KCNQ1: variants seen among roughly 807,000 people sequenced by gnomAD.
KCNQ1 encodes potassium voltage-gated channel subfamily KQT member 1.
Under a neutral mutation model 72.4 loss-of-function variants are expected in KCNQ1, and 49 were observed. The ratio of observed to expected loss-of-function variants is 0.68; its 90% CI spans 0.54 to 0.86. The LOEUF is 0.86. Among genes scored for constraint, KCNQ1 ranks in the 40% least tolerant of loss-of-function variants. KCNQ1 has a pLI of 0.00. For synonymous variants in KCNQ1, 450 were observed against 412.6 expected, an observed-to-expected ratio of 1.09 and a Z score of -1.10; for missense variants, 790 against 945.1, an observed-to-expected ratio of 0.84 and a Z score of 2.15.
Position 2,733,857 on chromosome 11 carries a change from C to CTCTCTCTCTCTCTCTCTCTCTCT in KCNQ1, c.1515-34987_1515-34986insTCTCTCTCTCTCTCTCTCTCTCT, listed in dbSNP as rs147278439. On this transcript the variant is annotated intron_variant, in intron 11 of 15. Transcript: ENST00000155840. ...TCTCTCTCTCTCTCTCTCTCTCTCTCCCCCCCCACTTCAGGGCCTTCGCGC... is the reference window on the plus strand; with the variant it reads ...TCTCTCTCTCTCTCTCTCTCTCTCTCTCTCTCTCTCTCTCTCTCTCTCTCCCCCCCACTTCAGGGCCTTCGCGC... Among the ~76,000 whole-genome samples the CTCTCTCTCTCTCTCTCTCTCTCT allele has an allele frequency of 9.8e-4, 75 of 76,302 alleles. 4 individuals are homozygous for CTCTCTCTCTCTCTCTCTCTCTCT. The highest frequency in any genetic ancestry group is 1.2e-3 in the Non-Finnish European group (47 of 39,480). The allele number at this position is 76,302 out of a possible 152,430, so 50.1% of individuals were successfully genotyped here. A position where few individuals can be genotyped will look rare whatever the true frequency, so the allele number is the denominator to read the frequency against.
intron 15 of KCNQ1, among the ~76,000 whole-genome samples, chr11:2,791,021 G>T (rs955581076): frequency 3.3e-5 from 5 of 152,220 alleles, no homozygotes; most frequent in African/African-American, 9.7e-5. Flanking sequence ...TAGCCTGCCT[G>T]TGGGGGACAG....
At chr11:2,665,735 C>T (rs1221730935) in intron 11 of KCNQ1, 8 of 398,398 alleles carry the variant, frequency 2.0e-5, no homozygotes, top group African/African-American at 6.2e-5. Flanking sequence ...TCCCCAGAAC[C>T]CCCAAAGCCC....
chr11:2,680,663 G>A (rs1850381208), intron 11 of KCNQ1: 4 of 398,344 alleles, frequency 1.0e-5, no homozygotes, highest in Non-Finnish European at 1.8e-5. Flanking sequence ...TCTCACTACA[G>A]GACATTTCTA....
At chr11:2,589,958 G>A (rs888677394) in intron 10 of KCNQ1, among the ~76,000 whole-genome samples, 3 of 152,154 alleles carry the variant, frequency 2.0e-5, no homozygotes, top group Non-Finnish European at 2.9e-5. Flanking sequence ...CACTGGCCAC[G>A]GATGCCACGG....
At chr11:2,633,581 T>C in intron 10 of KCNQ1, 1 of 398,614 alleles carries the variant, frequency 2.5e-6, no homozygotes. Context: ...TTCTTCTGCA[T>C]ATGATATCCT....
In KCNQ1 at chr11:2,536,115, C is replaced by T. The variant is rs1003843758; in HGVS notation, c.477+8097C>T. 7.2e-5 allele frequency among the ~76,000 whole-genome samples: 11 copies of T among 152,210 alleles called. No homozygotes were observed. The highest frequency in any genetic ancestry group is 1.2e-4 in the African/African-American group (5 of 41,456). ...CCAGCCCCATGCACAGGCCACGCGGCGACAGGGGCTGCTGAAGGAAGGCTG... is the reference window on the plus strand; with the variant it reads ...CCAGCCCCATGCACAGGCCACGCGGTGACAGGGGCTGCTGAAGGAAGGCTG... On this transcript the variant is annotated intron_variant, in intron 2 of 15. Coordinates refer to ENST00000155840, the MANE Select transcript of KCNQ1 (RefSeq NM_000218.3). This position sits in a 1 kb window ranked among gnomAD's most constrained non-coding sequence, Gnocchi z 7.4.
intron 15 of KCNQ1, among the ~76,000 whole-genome samples, chr11:2,795,168 G>A (rs190638771): frequency 1.3e-5 from 2 of 152,332 alleles, no homozygotes; most frequent in African/African-American, 2.4e-5. Flanking sequence ...GTCAGTCTCC[G>A]CATCTCGCCT....
rs1846047654 is a variant in KCNQ1, at chr11:2,446,926, A to G, written c.386+1442A>G. 6.6e-6 allele frequency among the ~76,000 whole-genome samples: 1 copy of G among 152,178 alleles called. No individual in the cohort carries two copies. On this transcript the variant is annotated intron_variant, in intron 1 of 15. Coordinates refer to ENST00000155840, the MANE Select transcript of KCNQ1 (RefSeq NM_000218.3). This position sits in a 1 kb window ranked among gnomAD's most constrained non-coding sequence, Gnocchi z 8.8. Reference sequence around the variant, plus strand: ...AACCCAGTCCGATGCCACTGTGCAAATGTCTAGCAGATGCCAGGTTCACAG... The same window carrying G: ...AACCCAGTCCGATGCCACTGTGCAAGTGTCTAGCAGATGCCAGGTTCACAG...
At chr11:2,551,933 G>T (rs1487587043) in intron 2 of KCNQ1, among the ~76,000 whole-genome samples, 1 of 152,196 alleles carries the variant, frequency 6.6e-6, no homozygotes, top group South Asian at 2.1e-4. Context: ...CAATTAGGTT[G>T]TCTTCTTAGA....
At chr11:2,726,172 C>T (rs1327630672) in intron 11 of KCNQ1, among the ~76,000 whole-genome samples, 1 of 152,218 alleles carries the variant, frequency 6.6e-6, no homozygotes, top group African/African-American at 2.4e-5. Flanking sequence ...TTCCAGCTGG[C>T]CAGGGCAGAG....
rs1374492359 is a variant in KCNQ1, at chr11:2,720,479, C to T, written c.1515-48365C>T. Among the ~76,000 whole-genome samples the T allele has an allele frequency of 1.3e-5, 2 of 152,238 alleles. No homozygotes were observed. Among genetic ancestry groups the T allele is most frequent in the East Asian group, 1.9e-4 (1 of 5,158 alleles). On this transcript the variant is annotated intron_variant, in intron 11 of 15. Transcript: ENST00000155840. This position sits in a 1 kb window ranked among gnomAD's most constrained non-coding sequence, Gnocchi z 5.1. Reference sequence around the variant, plus strand: ...CCTCTCGAAGCAGAGGCAGCCCCCTCGAAGCTCACCTGGCCTCTCTCTGTA... The same window carrying T: ...CCTCTCGAAGCAGAGGCAGCCCCCTTGAAGCTCACCTGGCCTCTCTCTGTA...
Position 2,536,245 on chromosome 11 carries a change from C to T in KCNQ1, c.477+8227C>T, listed in dbSNP as rs1847729965. On this transcript the variant is annotated intron_variant, in intron 2 of 15. Transcript: ENST00000155840. The surrounding 1 kb of genome is among the most constrained non-coding windows in gnomAD (Gnocchi z 7.4). Reference sequence around the variant, plus strand: ...GGGATTCTAGAAATTTCCTGCTGTGCCAGGCTGCAGCAGAGACTCCGGCCC... The same window carrying T: ...GGGATTCTAGAAATTTCCTGCTGTGTCAGGCTGCAGCAGAGACTCCGGCCC... Among the ~76,000 whole-genome samples the T allele has an allele frequency of 6.6e-6, 1 of 152,216 alleles. No homozygotes were observed. The highest frequency in any genetic ancestry group is 6.5e-5 in the Admixed American group (1 of 15,278).
chr11:2,675,450 G>GA (rs1850276876), intron 11 of KCNQ1: 1 of 398,482 alleles, frequency 2.5e-6, no homozygotes, highest in African/African-American at 2.1e-5. Context: ...AAGATGATCT[G>GA]AAAATGGAAA....
intron 11 of KCNQ1, among the ~76,000 whole-genome samples, chr11:2,758,945 GA>G (rs1846345171): frequency 6.6e-6 from 1 of 152,164 alleles, no homozygotes; most frequent in Non-Finnish European, 1.5e-5. Flanking sequence ...TTCTGGTGGG[GA>G]GGACTTCCAT....
In KCNQ1 at chr11:2,563,098, C is replaced by G. The variant is rs1233996275; in HGVS notation, c.478-7530C>G. Among the ~76,000 whole-genome samples, 2 of 152,168 alleles carry G rather than the reference C, an allele frequency of 1.3e-5. No homozygotes were observed. Among genetic ancestry groups the G allele is most frequent in the African/African-American group, 4.8e-5 (2 of 41,438 alleles). On this transcript the variant is annotated intron_variant, in intron 2 of 15. Transcript: ENST00000155840. This position sits in a 1 kb window ranked among gnomAD's most constrained non-coding sequence, Gnocchi z 7.4. Reference sequence around the variant, plus strand: ...TATTTCAGGCTGCCCTGTGATCTTTCCCACGTGATTGATTGACACAGGGAC... The same window carrying G: ...TATTTCAGGCTGCCCTGTGATCTTTGCCACGTGATTGATTGACACAGGGAC...
chr11:2,796,191 T>G (rs1847125406), intron 15 of KCNQ1, among the ~76,000 whole-genome samples: 2 of 152,104 alleles, frequency 1.3e-5, no homozygotes, highest in Non-Finnish European at 2.9e-5. Context: ...CAGGGACTAT[T>G]CGGACACCAC....
At chr11:2,569,915 G>A (rs1304022984) in intron 2 of KCNQ1, among the ~76,000 whole-genome samples, 3 of 152,172 alleles carry the variant, frequency 2.0e-5, no homozygotes, top group South Asian at 2.1e-4. Flanking sequence ...AGGAACCTCC[G>A]CCCTCTGGTG....
chr11:2,812,163 C>T (rs1452447364), intron 15 of KCNQ1, among the ~76,000 whole-genome samples: 1 of 152,220 alleles, frequency 6.6e-6, no homozygotes, highest in Non-Finnish European at 1.5e-5. Context: ...CGGCTGGTCC[C>T]CACACAAACT....
chr11:2,587,712 C>T lies in KCNQ1; in HGVS notation c.1251+20C>T. ...GTGGTGGTGAGTAGCCCACCTGCCACCAGGGCAGGGCCTTCTTGCTAGCAG... is the reference window on the plus strand; with the variant it reads ...GTGGTGGTGAGTAGCCCACCTGCCATCAGGGCAGGGCCTTCTTGCTAGCAG... On this transcript the variant is annotated intron_variant, in intron 9 of 15. Transcript: ENST00000155840. The T allele has an allele frequency of 6.2e-7, 1 of 1,613,502 alleles. No individual in the cohort carries two copies. The highest frequency in any genetic ancestry group is 8.5e-7 in the Non-Finnish European group (1 of 1,179,912).
Sources: gnomAD v4.1 joint callset for allele counts (sites outside exome capture counted in the v4.1 genomes callset) on GRCh38, gnomAD v4.1.1 for gene constraint, Gnocchi (gnomAD v3.1) non-coding constraint, MANE v1.5 for transcripts, NCBI Gene and HGNC (gene_info 2026-07-23, HGNC 2026-07-21) for gene names.